PRKCI: variants seen among roughly 807,000 people sequenced by gnomAD.
PRKCI encodes protein kinase C iota type.
Under a neutral mutation model 84.0 loss-of-function variants are expected in PRKCI, and 43 were observed. The ratio of observed to expected loss-of-function variants is 0.51; its 90% confidence interval spans 0.40 to 0.66. PRKCI has a LOEUF of 0.66. Among genes scored for constraint, PRKCI ranks in the 30% least tolerant of loss-of-function variants. The probability of loss-of-function intolerance (pLI) is 0.00; values close to 1 mark genes in which losing one functional copy is unlikely to be tolerated. For missense variants in PRKCI, 459 were observed against 745.6 expected, an observed-to-expected ratio of 0.62 and a Z score of 4.48; for synonymous variants, 216 against 234.4, an observed-to-expected ratio of 0.92 and a Z score of 0.72.
At chr3:170,301,175 C>T (rs1347114669) in intron 17 of PRKCI, among the ~76,000 whole-genome samples, 2 of 152,150 alleles carry the variant, frequency 1.3e-5, no homozygotes, top group African/African-American at 4.8e-5. Context: ...TGTACCAAGT[C>T]ATTATTTCTG....
intron 4 of PRKCI, 28 bp from the exon 5 acceptor site, chr3:170,267,887 C>A: frequency 6.7e-7 from 1 of 1,493,520 alleles, no homozygotes; most frequent in South Asian, 1.3e-5. Flanking sequence ...GCTCTTTTTT[C>A]TTTTTTTAAC....
chr3:170,270,337 C>A, intron 5 of PRKCI, 84 bp from the exon 6 acceptor site: 1 of 1,322,118 alleles, frequency 7.6e-7, no homozygotes, highest in Non-Finnish European at 1.0e-6. Flanking sequence ...GACACCGTGA[C>A]AAAGGGAATT....
intron 1 of PRKCI, 110 bp downstream of exon 1, chr3:170,222,880 C>A: frequency 3.3e-4 from 1 of 2,988 alleles, no homozygotes. Flanking sequence ...TTGGGCTGGG[C>A]GGGCGGGCGG....
At chr3:170,281,751 C>T in intron 10 of PRKCI, 131 bp from the exon 11 acceptor site, 1 of 1,292,004 alleles carries the variant, frequency 7.7e-7, no homozygotes, top group Non-Finnish European at 1.0e-6. Flanking sequence ...CCTTTGTTTC[C>T]ACCAAAATTT....
intron 10 of PRKCI, chr3:170,281,673 A>G (rs1463753514): frequency 1.9e-6 from 1 of 527,528 alleles, no homozygotes; most frequent in Non-Finnish European, 3.1e-6. Flanking sequence ...ACTTTAGAAC[A>G]GAAGTAGTAG....
intron 16 of PRKCI, among the ~76,000 whole-genome samples, chr3:170,298,295 A>G (rs1024769733): frequency 1.3e-5 from 2 of 152,088 alleles, no homozygotes; most frequent in Non-Finnish European, 2.9e-5. Context: ...GCTGTAGTGT[A>G]GCTCACGACA....
chr3:170,228,576 C>G (rs568921320), intron 1 of PRKCI, among the ~76,000 whole-genome samples: 1 of 151,212 alleles, frequency 6.6e-6, no homozygotes, highest in South Asian at 2.1e-4. Context: ...CCCTGTCTCA[C>G]ACACACACAG....
intron 17 of PRKCI, among the ~76,000 whole-genome samples, chr3:170,300,613 G>A (rs1471696023): frequency 6.7e-6 from 1 of 149,304 alleles, no homozygotes; most frequent in Admixed American, 6.7e-5. Flanking sequence ...GATGTTCATG[G>A]TCAAAGAAAA....
chr3:170,239,451 T>C (rs758689636), intron 2 of PRKCI, among the ~76,000 whole-genome samples: 29 of 152,248 alleles, frequency 1.9e-4, no homozygotes, highest in Non-Finnish European at 3.8e-4. Context: ...TTTCATACCA[T>C]TTATTTGCTG....
At chr3:170,240,698 G>T (rs1733108243) in intron 2 of PRKCI, among the ~76,000 whole-genome samples, 1 of 152,180 alleles carries the variant, frequency 6.6e-6, no homozygotes, top group African/African-American at 2.4e-5. Flanking sequence ...TCAAAGACAG[G>T]ACAGTCACTT....
intron 2 of PRKCI, among the ~76,000 whole-genome samples, chr3:170,255,110 G>A (rs1280705260): frequency 1.4e-5 from 2 of 141,722 alleles, no homozygotes; most frequent in East Asian, 4.2e-4. Context: ...GCCCAGGCTG[G>A]AGTGCAATGG....
intron 4 of PRKCI, among the ~76,000 whole-genome samples, chr3:170,263,844 C>CT (rs781034900): frequency 6.6e-5 from 10 of 152,132 alleles, no homozygotes; most frequent in Non-Finnish European, 1.2e-4. Flanking sequence ...CATTTGATTT[C>CT]TTTTCCATTT....
chr3:170,295,606 G>A (rs915189120), intron 14 of PRKCI, among the ~76,000 whole-genome samples: 1 of 151,528 alleles, frequency 6.6e-6, no homozygotes, highest in Non-Finnish European at 1.5e-5. Flanking sequence ...AACCCGGGAG[G>A]CAGAGGTTGC....
chr3:170,231,251 G>A (rs990367192), intron 1 of PRKCI, among the ~76,000 whole-genome samples: 2 of 151,954 alleles, frequency 1.3e-5, no homozygotes, highest in South Asian at 4.2e-4. Flanking sequence ...TTGAGCCACC[G>A]TGCCCGGCCT....
intron 4 of PRKCI, among the ~76,000 whole-genome samples, chr3:170,264,310 C>T (rs926179123): frequency 5.5e-4 from 84 of 151,784 alleles, no homozygotes; most frequent in African/African-American, 1.9e-3. Context: ...GACAGAATCT[C>T]GCTTTCTCAC....
At chr3:170,258,317 T>C (rs1447343306) in intron 2 of PRKCI, among the ~76,000 whole-genome samples, 1 of 85,370 alleles carries the variant, frequency 1.2e-5, no homozygotes, top group African/African-American at 6.4e-5. Context: ...AATGACTTCT[T>C]TTTTTTTTGA....
intron 5 of PRKCI, 64 bp from the exon 6 acceptor site, chr3:170,270,357 A>G: frequency 6.9e-6 from 10 of 1,453,408 alleles, no homozygotes; most frequent in African/African-American, 4.2e-5. Context: ...TGAGTCAGCA[A>G]ACTATTTGGG....
At chr3:170,286,152 C>T (rs1734383509) in intron 12 of PRKCI, among the ~76,000 whole-genome samples, 2 of 152,042 alleles carry the variant, frequency 1.3e-5, no homozygotes, top group East Asian at 3.8e-4. Flanking sequence ...GTCGCGAACT[C>T]CTGACCTCAG....
intron 12 of PRKCI, among the ~76,000 whole-genome samples, chr3:170,287,575 A>G (rs1283539599): frequency 6.6e-6 from 1 of 151,904 alleles, no homozygotes; most frequent in Non-Finnish European, 1.5e-5. Flanking sequence ...TTAAAATGTT[A>G]TTTTTAAATA....
Sources: gnomAD v4.1 joint callset for allele counts (sites outside exome capture counted in the v4.1 genomes callset) on GRCh38, gnomAD v4.1.1 for gene constraint, MANE v1.5 for transcripts, NCBI Gene and HGNC (gene_info 2026-07-23, HGNC 2026-07-21) for gene names.